SLC6A14: variants seen among roughly 807,000 people sequenced by gnomAD.
The protein encoded by SLC6A14 is solute carrier family 6 member 14.
In SLC6A14, 21 loss-of-function variants were observed where a neutral mutation model predicts 51.4. The ratio of observed to expected loss-of-function variants is 0.41; its 90% CI spans 0.29 to 0.59. SLC6A14 has a LOEUF of 0.59. SLC6A14 is among the 20% of genes least tolerant of loss of function. The pLI, the probability that SLC6A14 is intolerant of heterozygous loss-of-function variation, is 0.31. For synonymous variants in SLC6A14, 177 were observed against 160.7 expected (o/e 1.10, Z -0.77); for missense variants, 371 against 472.8 (o/e 0.78, Z 2.00).
chrX:116,444,876 G>T (rs782310572), intron 5 of SLC6A14, 42 bp from the exon 6 acceptor site: 8 of 1,195,591 alleles, frequency 6.7e-6, no homozygotes, highest in Non-Finnish European at 7.9e-6. Flanking sequence ...TTTTCTTTAA[G>T]TCAAGTGATT....
chrX:116,440,515 A>G (rs1927573726), intron 2 of SLC6A14, among the ~76,000 whole-genome samples: 1 of 112,130 alleles, frequency 8.9e-6, no homozygotes, highest in African/African-American at 3.2e-5. Context: ...CATTTTGGCA[A>G]GTGTTTTCAC....
At chrX:116,456,200 G>A (rs1344380492) in intron 12 of SLC6A14, among the ~76,000 whole-genome samples, 6 of 110,754 alleles carry the variant, frequency 5.4e-5, no homozygotes, top group Non-Finnish European at 1.1e-4. Context: ...GTGAGGCAGT[G>A]TCAAAGCTTC....
intron 10 of SLC6A14, 68 bp from the exon 11 acceptor site, chrX:116,454,908 AT>A: frequency 1.3e-6 from 1 of 783,586 alleles, no homozygotes; most frequent in Non-Finnish European, 1.9e-6. Flanking sequence ...AATAGATTCA[AT>A]TTGAATATCC....
intron 11 of SLC6A14, 75 bp downstream of exon 11, chrX:116,455,151 CTAAT>C (rs1331501938): frequency 7.0e-5 from 51 of 724,480 alleles, no homozygotes; most frequent in Non-Finnish European, 9.7e-5. Flanking sequence ...TTATATTTAC[CTAAT>C]TATACTATTA....
At chrX:116,439,420 A>G (rs1927550526) in intron 2 of SLC6A14, among the ~76,000 whole-genome samples, 1 of 111,504 alleles carries the variant, frequency 9.0e-6, no homozygotes. Context: ...AATGCGAATT[A>G]GGTTTAAAAA....
chrX:116,451,729 T>G lies in SLC6A14; in HGVS notation c.1159+59T>G, dbSNP rs782374021. The G allele has an allele frequency of 1.5e-4, 99 of 658,984 alleles. No homozygotes were observed. The African/African-American group carries it at 2.0e-3, about 13-fold the overall frequency. 54.3% of individuals were successfully genotyped at this position (658,984 alleles called of 1,213,427 possible). A position where few individuals can be genotyped will look rare whatever the true frequency, so the allele number is the denominator to read the frequency against. Reference sequence around the variant, plus strand: ...ATTCAATGTATCTCACTTATGAAACTCCAATAGAATTTATAGAAATTTACT... The same window carrying G: ...ATTCAATGTATCTCACTTATGAAACGCCAATAGAATTTATAGAAATTTACT... On this transcript the variant is annotated intron_variant, in intron 8 of 13. Transcript: ENST00000598581.
chrX:116,454,262 C>A, intron 9 of SLC6A14, 62 bp from the exon 10 acceptor site: 1 of 644,277 alleles, frequency 1.6e-6, no homozygotes, highest in Non-Finnish European at 2.5e-6. Context: ...ACATTGAATT[C>A]TGTGATTAAC....
Position 116,437,968 on chromosome X carries a change from A to ACGGGGGGCCC in SLC6A14, c.214+14_214+15insGGGGGGCCCC. On this transcript the variant is annotated intron_variant, in intron 2 of 13. Coordinates refer to ENST00000598581, the MANE Select transcript of SLC6A14 (RefSeq NM_007231.5). ...AGCAATGGTGGAGGTATTCTATTTC[A>ACGGGGGGCCC]CCCCCACCCTCCCACCCCCGCTTTT... 1 of 1,122,177 alleles carries ACGGGGGGCCC rather than the reference A, an allele frequency of 8.9e-7. No homozygotes were observed. The highest frequency in any genetic ancestry group is 1.2e-6 in the Non-Finnish European group (1 of 840,395). The allele number at this position is 1,122,177 out of a possible 1,213,427, so 92.5% of individuals were successfully genotyped here.
chrX:116,452,101 G>A (rs1412155472), intron 8 of SLC6A14, among the ~76,000 whole-genome samples: 2 of 111,677 alleles, frequency 1.8e-5, no homozygotes, highest in Non-Finnish European at 3.8e-5. Flanking sequence ...CTAACTTTAC[G>A]GATATTAGCT....
intron 7 of SLC6A14, among the ~76,000 whole-genome samples, chrX:116,449,746 A>G (rs1442490021): frequency 8.9e-6 from 1 of 112,023 alleles, no homozygotes; most frequent in East Asian, 2.8e-4. Context: ...CCAGTGGAAC[A>G]GGATAATAGT....
intron 8 of SLC6A14, among the ~76,000 whole-genome samples, chrX:116,452,310 G>A (rs1280836120): frequency 9.0e-6 from 1 of 111,550 alleles, no homozygotes; most frequent in East Asian, 2.8e-4. Context: ...TTGATACACA[G>A]TAATGTCATA....
intron 1 of SLC6A14, among the ~76,000 whole-genome samples, chrX:116,437,120 C>A (rs1325762475): frequency 9.0e-6 from 1 of 111,351 alleles, no homozygotes; most frequent in Non-Finnish European, 1.9e-5. Flanking sequence ...GAACCCCTGT[C>A]CCTTCTCTCC....
intron 10 of SLC6A14, among the ~76,000 whole-genome samples, 191 bp downstream of exon 10, chrX:116,454,633 G>A (rs1314261277): frequency 9.0e-6 from 1 of 110,726 alleles, no homozygotes; most frequent in Non-Finnish European, 1.9e-5. Flanking sequence ...AGATGAGGAG[G>A]CCGAATAATG....
At chrX:116,448,739 C>T (rs185012143) in intron 7 of SLC6A14, among the ~76,000 whole-genome samples, 2 of 111,447 alleles carry the variant, frequency 1.8e-5, no homozygotes, top group Non-Finnish European at 3.8e-5. Context: ...TTTTGCAAGC[C>T]TAAGATATAT....
rs782477666 is a variant in SLC6A14 at position 116,443,742 on chromosome X, G to A, written c.608G>A (p.Gly203Asp). ...VDINNFTCIN[G>D]SEIYQPGQLP... is the part of the protein sequence containing the mutation. ...ATCAACAATTTTACCTGCATCAACG[G>A]CAGTGAAATTTATCAGCCAGGGCAG... Residue 203 changes from glycine to aspartate, a missense_variant, in exon 5 of 14, where the codon GGC (glycine) becomes GAC (aspartate). By Grantham distance (94) the Gly-to-Asp change is moderately conservative (BLOSUM62 -1). This residue lies in a region of SLC6A14 where 277 missense variants were observed against 391.8 expected (regional missense o/e 0.71). Coordinates refer to ENST00000598581, the MANE Select transcript of SLC6A14 (RefSeq NM_007231.5). 2.0e-5 allele frequency: 24 copies of A among 1,203,774 alleles called. No individual in the cohort carries two copies. The highest frequency in any genetic ancestry group is 2.6e-5 in the Non-Finnish European group (23 of 891,748).
At chrX:116,444,828 C>T (rs782052914) in intron 5 of SLC6A14, 90 bp from the exon 6 acceptor site, 5 of 955,998 alleles carry the variant, frequency 5.2e-6, no homozygotes, top group Non-Finnish European at 7.4e-6. Context: ...ATTCATGAAG[C>T]TTCGACCTGG....
chrX:116,450,253 A>T (rs1269346357), intron 7 of SLC6A14, among the ~76,000 whole-genome samples: 1 of 111,910 alleles, frequency 8.9e-6, no homozygotes, highest in African/African-American at 3.2e-5. Flanking sequence ...CAACATATAT[A>T]ATAGTCAAAA....
At position 116,437,882 on chromosome X, in the gene SLC6A14, A is replaced by C. The variant is rs782364014; in HGVS notation, c.141A>C (p.Leu47=). ...GNWSKKSDYL[L]SMIGYAVGLG... ...GGTCCAAAAAATCGGATTATCTTCT[A>C]TCTATGATTGGATACGCAGTGGGAT... The change falls in exon 2 of 14, where the codon CTA becomes CTC. Residue 47 remains leucine (L), a synonymous_variant. Coordinates refer to ENST00000598581, the MANE Select transcript of SLC6A14 (RefSeq NM_007231.5). 1 of 1,206,148 alleles carries C rather than the reference A, an allele frequency of 8.3e-7. No homozygotes were observed. Among genetic ancestry groups the C allele is most frequent in the Non-Finnish European group, 1.1e-6 (1 of 891,800 alleles).
Position 116,453,064 on chromosome X carries a change from C to G in SLC6A14, c.1207C>G (p.Pro403Ala), listed in dbSNP as rs782461160. 4.2e-6 allele frequency: 5 copies of G among 1,199,181 alleles called. No individual in the cohort carries two copies. Among genetic ancestry groups the G allele is most frequent in the Non-Finnish European group, 4.5e-6 (4 of 886,883 alleles). Residue 403 changes from proline (P) to alanine (A), a missense_variant, in exon 9 of 14, where the codon CCA (proline) becomes GCA (alanine). Coordinates refer to ENST00000598581, the MANE Select transcript of SLC6A14 (RefSeq NM_007231.5). Reference sequence around the variant, plus strand: ...CTATCCAGAGGCTCTAGCCCAACTCCCAGGTGGTCCATTTTGGTCCATATT... The same window carrying G: ...CTATCCAGAGGCTCTAGCCCAACTCGCAGGTGGTCCATTTTGGTCCATATT... Reference protein sequence around the residue: ...IAYPEALAQLPGGPFWSILFF... With the variant: ...IAYPEALAQLAGGPFWSILFF...
Sources: gnomAD v4.1 joint callset for allele counts (sites outside exome capture counted in the v4.1 genomes callset) on GRCh38, gnomAD v4.1.1 for gene constraint, gnomAD v4.1.1 regional missense constraint, MANE v1.5 for transcripts, NCBI Gene and HGNC (gene_info 2026-07-23, HGNC 2026-07-21) for gene names.